The following VWA5B1 variants were observed in gnomAD, a reference collection of about 807,000 sequenced individuals.
VWA5B1 encodes the protein von Willebrand factor A domain containing 5B1, also known as von Willebrand factor A domain-containing protein 5B1.
Under a neutral mutation model 118.2 loss-of-function variants are expected in VWA5B1, and 115 were observed. The ratio of observed to expected loss-of-function variants is 0.97; its 90% CI spans 0.84 to 1.14. The LOEUF is 1.14. Ranked by LOEUF, VWA5B1 falls within the 50% of genes most tolerant of loss-of-function variation. The pLI, the probability that VWA5B1 is intolerant of heterozygous loss-of-function variation, is 0.00. For synonymous variants in VWA5B1, 682 were observed against 658.4 expected, an observed-to-expected ratio of 1.04 and a Z score of -0.55; for missense variants, 1,596 against 1,603.8, an observed-to-expected ratio of 1.00 and a Z score of 0.08.
intron 17 of VWA5B1, 117 bp from the exon 18 acceptor site, chr1:20,348,128 C>T: frequency 2.0e-6 from 2 of 994,186 alleles, no homozygotes; most frequent in Non-Finnish European, 3.0e-6. Context: ...ACAACACCTT[C>T]CTGCCTTTGG....
chr1:20,306,873 G>A (rs929206329), intron 1 of VWA5B1, among the ~76,000 whole-genome samples: 3 of 152,134 alleles, frequency 2.0e-5, no homozygotes, highest in Non-Finnish European at 2.9e-5. Context: ...ATCTTTCTAT[G>A]TGCCTCTTAG....
In VWA5B1 at chr1:20,343,294, G is replaced by A. The variant is rs1570208695; in HGVS notation, c.2527G>A (p.Asp843Asn). ...TPGPERGGAQDADLWSETFHH... is the reference protein window; with the variant it reads ...TPGPERGGAQNADLWSETFHH... ...TGGACCGGAGCGGGGCGGCGCGCAG[G>A]ATGCCGACCTATGGAGCGAGACCTT... Residue 843 changes from aspartate to asparagine, a missense_variant, in exon 16 of 22, where the codon GAT (aspartate) becomes AAT (asparagine). Coordinates refer to ENST00000289815, the MANE Select transcript of VWA5B1 (RefSeq NM_001039500.3). 1 of 1,547,596 alleles carries A rather than the reference G, an allele frequency of 6.5e-7. No individual in the cohort carries two copies. Among genetic ancestry groups the A allele is most frequent in the Non-Finnish European group, 8.7e-7 (1 of 1,146,692 alleles).
At chr1:20,332,281 A>T (rs2100936543) in intron 11 of VWA5B1, among the ~76,000 whole-genome samples, 1 of 152,074 alleles carries the variant, frequency 6.6e-6, no homozygotes, top group East Asian at 1.9e-4. Context: ...AGAGTTTGAG[A>T]CCAGCCTGGC....
rs1288786830 is a variant in VWA5B1 at position 20,343,152 on chromosome 1, G to C, written c.2385G>C (p.Glu795Asp). 12 of 1,547,844 alleles carry C rather than the reference G, an allele frequency of 7.8e-6. No individual in the cohort carries two copies. In the South Asian group the frequency reaches 1.2e-4, roughly 15 times the overall value. The change falls in exon 16 of 22, where the codon GAG (glutamate) becomes GAC (aspartate). Residue 795 changes from glutamate to aspartate, a missense_variant. By Grantham distance (45) the Glu-to-Asp change is conservative (BLOSUM62 2). Transcript: ENST00000289815. ...GGGACCCCCCAGCCGAGTCCCAGGA[G>C]CGAGCCAGTCCCAGCAGGCCCGCCA... ...SDWDPPAESQERASPSRPATP... is the reference protein window; with the variant it reads ...SDWDPPAESQDRASPSRPATP...
chr1:20,320,775 A>G (rs2089185725), intron 7 of VWA5B1, among the ~76,000 whole-genome samples: 1 of 152,228 alleles, frequency 6.6e-6, no homozygotes, highest in African/African-American at 2.4e-5. Flanking sequence ...ACATTAGAGA[A>G]TCCTGAGCCA....
At position 20,336,398 on chromosome 1, in the gene VWA5B1, AG is replaced by A. The variant is rs1474333348; in HGVS notation, c.1855del (p.Asp619ThrfsTer12). On this transcript the variant is annotated frameshift_variant, in exon 13 of 22. Coordinates refer to ENST00000289815, the MANE Select transcript of VWA5B1 (RefSeq NM_001039500.3). LOFTEE classifies it high-confidence loss of function. ...ATGACGGACCCGGGCTGGAAGGTGG[AG>A]ACTGTGCCAAGAACTCGGGGGCACC... is the stretch of plus-strand genomic sequence containing the variant. ...QDDGPGLEGG[D>X]CAKNSGAPFI... 3 of 1,530,188 alleles carry A rather than the reference AG, an allele frequency of 2.0e-6. No homozygotes were observed. In the Admixed American group the frequency reaches 6.2e-5, roughly 32 times the overall value. The allele number at this position is 1,530,188 out of a possible 1,614,324, so 94.8% of individuals were successfully genotyped here. A position where few individuals can be genotyped will look rare whatever the true frequency, so the allele number is the denominator to read the frequency against.
intron 7 of VWA5B1, among the ~76,000 whole-genome samples, chr1:20,320,415 C>T (rs537982517): frequency 6.6e-6 from 1 of 152,222 alleles, no homozygotes; most frequent in Non-Finnish European, 1.5e-5. Flanking sequence ...AGCACATGCT[C>T]TCCCAGAGGT....
chr1:20,329,046 T>C lies in VWA5B1; in HGVS notation c.1254+1046T>C, dbSNP rs190386294. The stretch of plus-strand genomic sequence containing the variant: ...AGTAAGTATTAATCTGTAATGTAAC[T>C]GTAATGGCTTCCTAGTATTTCACTA... On this transcript the variant is annotated intron_variant, in intron 9 of 21. Transcript: ENST00000289815. Among the ~76,000 whole-genome samples the C allele has an allele frequency of 2.0e-5, 3 of 152,340 alleles. No homozygotes were observed. In the East Asian group the frequency reaches 5.8e-4, roughly 29 times the overall value.
chr1:20,354,266 GA>G lies in VWA5B1; in HGVS notation c.*4del. 1.3e-6 allele frequency: 2 copies of G among 1,529,286 alleles called. No homozygotes were observed. The highest frequency in any genetic ancestry group is 1.8e-6 in the Non-Finnish European group (2 of 1,132,854). 94.7% of individuals were successfully genotyped at this position (1,529,286 alleles called of 1,614,324 possible). ...GCTATAACCCGAATTATGTGTAGTT[GA>G]GTGACGGGGAGGCTGGGTGGAGGGA... On this transcript the variant is annotated 3_prime_UTR_variant, in exon 22 of 22. Coordinates refer to ENST00000289815, the MANE Select transcript of VWA5B1 (RefSeq NM_001039500.3).
rs1358973011 is a variant in VWA5B1, at chr1:20,350,143, T to A, written c.2879-13T>A. Reference sequence around the variant, plus strand: ...AGGGGAGAGGTCCAGCCTCACTGGCTCCTCTGTCCTAGACATGGAGGCAAG... The same window carrying A: ...AGGGGAGAGGTCCAGCCTCACTGGCACCTCTGTCCTAGACATGGAGGCAAG... On this transcript the variant is annotated splice_polypyrimidine_tract_variant and intron_variant, in intron 18 of 21. Transcript: ENST00000289815. 1 of 1,550,576 alleles carries A rather than the reference T, an allele frequency of 6.4e-7. No homozygotes were observed. Among genetic ancestry groups the A allele is most frequent in the Non-Finnish European group, 8.7e-7 (1 of 1,146,532 alleles).
At chr1:20,311,011 C>T (rs1334287601) in intron 2 of VWA5B1, among the ~76,000 whole-genome samples, 9 of 152,294 alleles carry the variant, frequency 5.9e-5, no homozygotes, top group Middle Eastern at 3.4e-3. Flanking sequence ...CTCATTCTGT[C>T]GCCCAGGCTT....
Position 20,319,429 on chromosome 1 carries a change from G to A in VWA5B1, c.889G>A (p.Gly297Arg). 1 of 1,551,784 alleles carries A rather than the reference G, an allele frequency of 6.4e-7. No individual in the cohort carries two copies. Among genetic ancestry groups the A allele is most frequent in the Non-Finnish European group, 8.7e-7 (1 of 1,147,008 alleles). The change falls in exon 7 of 22, where the codon GGA (glycine) becomes AGA (arginine). Residue 297 changes from glycine (G) to arginine (R), a missense_variant. Physicochemically the swap from Gly to Arg is moderately radical, Grantham distance 125 (BLOSUM62 -2). Coordinates refer to ENST00000289815, the MANE Select transcript of VWA5B1 (RefSeq NM_001039500.3). ...VLIEKGDMTL[G>R]EFDQHLKGRT... Reference sequence around the variant, plus strand: ...GATAGAGAAAGGGGACATGACCCTGGGAGAGTTTGACCAGCACTTGAAGGG... The same window carrying A: ...GATAGAGAAAGGGGACATGACCCTGAGAGAGTTTGACCAGCACTTGAAGGG...
intron 1 of VWA5B1, among the ~76,000 whole-genome samples, chr1:20,292,791 T>G (rs2088336872): frequency 6.6e-6 from 1 of 152,190 alleles, no homozygotes; most frequent in South Asian, 2.1e-4. Context: ...GGATAGTGCT[T>G]CAGTTGTCTC....
intron 1 of VWA5B1, among the ~76,000 whole-genome samples, chr1:20,309,043 G>C (rs1442538111): frequency 6.6e-6 from 1 of 152,126 alleles, no homozygotes; most frequent in Non-Finnish European, 1.5e-5. Flanking sequence ...ACTTCTTCAA[G>C]GCATGTGATT....
In VWA5B1 at chr1:20,312,935, A is replaced by G. The variant is rs1263865656; in HGVS notation, c.239A>G (p.Lys80Arg). The G allele has an allele frequency of 1.0e-5, 16 of 1,551,592 alleles. No homozygotes were observed. Among genetic ancestry groups the G allele is most frequent in the Non-Finnish European group, 1.2e-5 (14 of 1,147,008 alleles). ...ACAGTACAGATCAAGGACAAAGCCA[A>G]GCTGGAGAGCGGCCACTTCGATGCC... ...VVTVQIKDKAKLESGHFDASH... is the reference protein window; with the variant it reads ...VVTVQIKDKARLESGHFDASH... Residue 80 changes from lysine to arginine, a missense_variant, in exon 3 of 22, where the codon AAG becomes AGG. By Grantham distance (26) the Lys-to-Arg change is conservative. Transcript: ENST00000289815.
intron 14 of VWA5B1, 35 bp downstream of exon 14, chr1:20,337,871 G>A: frequency 6.4e-7 from 1 of 1,551,086 alleles, no homozygotes; most frequent in Non-Finnish European, 8.7e-7. Context: ...AGGAGCTGGG[G>A]AAGGCGACAG....
chr1:20,357,956 G>A lies in VWA5B1; in HGVS notation c.*3693G>A, dbSNP rs1048344081. ...ATGTCCCTGCAACAGAGTGCCCCGAGGGCCCAACCTCCCACCACATGCAGA... is the reference window on the plus strand; with the variant it reads ...ATGTCCCTGCAACAGAGTGCCCCGAAGGCCCAACCTCCCACCACATGCAGA... On this transcript the variant is annotated 3_prime_UTR_variant, in exon 22 of 22. Coordinates refer to ENST00000289815, the MANE Select transcript of VWA5B1 (RefSeq NM_001039500.3). Among the ~76,000 whole-genome samples, 1 of 152,152 alleles carries A rather than the reference G, an allele frequency of 6.6e-6. No homozygotes were observed. The highest frequency in any genetic ancestry group is 2.4e-5 in the African/African-American group (1 of 41,424).
At chr1:20,309,512 A>G (rs969828278) in intron 1 of VWA5B1, among the ~76,000 whole-genome samples, 7 of 152,300 alleles carry the variant, frequency 4.6e-5, no homozygotes, top group Non-Finnish European at 8.8e-5. Flanking sequence ...AACAGGACAC[A>G]TGTCCGGAGT....
intron 12 of VWA5B1, among the ~76,000 whole-genome samples, chr1:20,334,057 A>T (rs2089646975): frequency 6.6e-6 from 1 of 152,244 alleles, no homozygotes; most frequent in African/African-American, 2.4e-5. Context: ...GCCCTGGCTA[A>T]ACTGGGCAGC....
Sources: allele counts gnomAD v4.1 joint callset (sites outside exome capture counted in the v4.1 genomes callset), GRCh38; gene constraint gnomAD v4.1.1; transcripts MANE v1.5; gene names NCBI Gene and HGNC (gene_info 2026-07-23, HGNC 2026-07-21).